The following LMO7 variants were observed in gnomAD, a reference collection of about 807,000 sequenced individuals.
LMO7 encodes the protein LIM domain 7, also known as LIM domain only protein 7.
Under a neutral mutation model 206.5 loss-of-function variants are expected in LMO7, and 120 were observed. The ratio of observed to expected loss-of-function variants is 0.58; its 90% CI spans 0.50 to 0.68. The LOEUF (loss-of-function observed/expected upper bound fraction) is 0.68. LMO7 is among the 30% of genes least tolerant of loss of function. The pLI, the probability that LMO7 is intolerant of heterozygous loss-of-function variation, is 0.00. For synonymous variants in LMO7, 706 were observed against 681.5 expected (o/e 1.04, Z -0.56); for missense variants, 1,959 against 1,957.9 (o/e 1.00, Z -0.01).
At chr13:75,683,290 C>T (rs984428422) in intron 1 of LMO7, among the ~76,000 whole-genome samples, 3 of 152,038 alleles carry the variant, frequency 2.0e-5, no homozygotes, top group African/African-American at 4.8e-5. Context: ...ACATTTTTGC[C>T]TAGCCAAATA....
At chr13:75,749,605 C>A (rs1298636592) in intron 3 of LMO7, among the ~76,000 whole-genome samples, 2 of 152,190 alleles carry the variant, frequency 1.3e-5, no homozygotes, top group African/African-American at 4.8e-5. Context: ...GCTGCCCTAA[C>A]TTGCCAGCTC....
At chr13:75,848,964 G>A (rs1448758561) in intron 26 of LMO7, 115 bp from the exon 27 acceptor site, 1 of 647,112 alleles carries the variant, frequency 1.5e-6, no homozygotes, top group Non-Finnish European at 2.7e-6. Flanking sequence ...GCAGGAGTAA[G>A]GTGGTATCAC....
intron 15 of LMO7, among the ~76,000 whole-genome samples, chr13:75,831,277 G>A (rs1156987572): frequency 2.6e-5 from 4 of 152,120 alleles, no homozygotes; most frequent in Non-Finnish European, 5.9e-5. Context: ...TTTTTTGAGA[G>A]CGAGAATCAT....
At chr13:75,727,472 C>T (rs1020976602) in intron 3 of LMO7, among the ~76,000 whole-genome samples, 15 of 151,876 alleles carry the variant, frequency 9.9e-5, no homozygotes, top group African/African-American at 1.4e-4. Flanking sequence ...ATACAAAGTA[C>T]GAATACCTTC....
chr13:75,630,357 AC>A (rs542523410), intron 2 of LMO7, among the ~76,000 whole-genome samples: 79 of 152,338 alleles, frequency 5.2e-4, no homozygotes, highest in African/African-American at 1.8e-3. Context: ...AGAGAGAAGT[AC>A]AAAATCTCCA....
At chr13:75,711,478 C>T (rs960706294) in intron 1 of LMO7, among the ~76,000 whole-genome samples, 5 of 152,180 alleles carry the variant, frequency 3.3e-5, no homozygotes, top group African/African-American at 1.2e-4. Context: ...AATTTCAGAG[C>T]CTGTTATTGG....
chr13:75,765,364 T>A (rs2048723121), intron 4 of LMO7, among the ~76,000 whole-genome samples: 2 of 151,444 alleles, frequency 1.3e-5, no homozygotes, highest in African/African-American at 4.9e-5. Context: ...TTTCTCAACA[T>A]CTTCATCTTT....
intron 1 of LMO7, among the ~76,000 whole-genome samples, chr13:75,693,240 T>C (rs773678281): frequency 1.5e-4 from 23 of 152,264 alleles, no homozygotes; most frequent in Non-Finnish European, 2.8e-4. Context: ...TTCTTATTCA[T>C]GAAAGTGCTT....
intron 1 of LMO7, among the ~76,000 whole-genome samples, chr13:75,648,653 G>C (rs558891794): frequency 1.3e-5 from 2 of 152,360 alleles, no homozygotes; most frequent in Admixed American, 1.3e-4. Flanking sequence ...TCACACGGAA[G>C]TGTAAGTAGA....
At chr13:75,805,077 A>G in intron 8 of LMO7, 1 of 1,009,672 alleles carries the variant, frequency 9.9e-7, no homozygotes, top group Non-Finnish European at 1.2e-6. Context: ...CTCGAAAATC[A>G]CCTATCCTAA....
intron 4 of LMO7, among the ~76,000 whole-genome samples, chr13:75,769,168 G>C (rs930253051): frequency 6.6e-6 from 1 of 152,060 alleles, no homozygotes; most frequent in Non-Finnish European, 1.5e-5. Flanking sequence ...AGGCATGAAT[G>C]TTGTTTATTG....
rs184771137 is a variant in LMO7, at chr13:75,749,345, A to G, written c.211-11587A>G. On this transcript the variant is annotated intron_variant, in intron 3 of 30. Coordinates refer to ENST00000377534, the MANE Select transcript of LMO7 (RefSeq NM_001306080.2). ...GTAATTATTTGTTTTGCTTTGGAAC[A>G]TGGTTAACTTGAGAATGGAACTTAA... is the stretch of plus-strand genomic sequence containing the variant. Among the ~76,000 whole-genome samples, 378 of 152,318 alleles carry G rather than the reference A, an allele frequency of 2.5e-3. 1 individual carries two copies. The highest frequency in any genetic ancestry group is 4.1e-3 in the Non-Finnish European group (282 of 68,028).
intron 1 of LMO7, among the ~76,000 whole-genome samples, chr13:75,671,287 G>A (rs537948866): frequency 2.2e-4 from 32 of 148,042 alleles, no homozygotes; most frequent in Middle Eastern, 3.4e-3. Flanking sequence ...ATCAAATATT[G>A]TATCCTGTAC....
chr13:75,760,603 A>G, intron 3 of LMO7: 3 of 1,378,152 alleles, frequency 2.2e-6, no homozygotes, highest in Non-Finnish European at 2.8e-6. Flanking sequence ...GTTTGTTTGC[A>G]GAGCAGAGCT....
At chr13:75,784,452 T>C (rs1247070448) in intron 4 of LMO7, among the ~76,000 whole-genome samples, 1 of 152,164 alleles carries the variant, frequency 6.6e-6, no homozygotes, top group Non-Finnish European at 1.5e-5. Flanking sequence ...ATTAAAATTT[T>C]GAAACCTCCC....
chr13:75,674,393 T>G (rs7336032), intron 1 of LMO7, among the ~76,000 whole-genome samples: 1 of 152,028 alleles, frequency 6.6e-6, no homozygotes. Context: ...GTAAAAAGTT[T>G]AGTAGGATTA....
intron 2 of LMO7, among the ~76,000 whole-genome samples, chr13:75,628,784 T>C (rs950895970): frequency 2.0e-5 from 3 of 152,236 alleles, no homozygotes; most frequent in Admixed American, 6.5e-5. Flanking sequence ...TCTTATAATC[T>C]TTGTCCACAC....
At chr13:75,717,116 C>A (rs1219577199) in intron 2 of LMO7, among the ~76,000 whole-genome samples, 2 of 152,036 alleles carry the variant, frequency 1.3e-5, no homozygotes, top group East Asian at 3.9e-4. Flanking sequence ...GTAATCCCTG[C>A]ACTTTGGGAG....
intron 11 of LMO7, 143 bp downstream of exon 11, chr13:75,809,326 G>T: frequency 1.5e-6 from 1 of 661,032 alleles, no homozygotes; most frequent in Admixed American, 2.9e-5. Flanking sequence ...TGTTTATCTT[G>T]CAACCTAATG....
Sources: allele counts gnomAD v4.1 joint callset (sites outside exome capture counted in the v4.1 genomes callset), GRCh38; gene constraint gnomAD v4.1.1; transcripts MANE v1.5; gene names NCBI Gene and HGNC (gene_info 2026-07-23, HGNC 2026-07-21).